Variants in MED13 observed in about 807,000 individuals in gnomAD.
The protein encoded by MED13 is mediator of RNA polymerase II transcription subunit 13.
MED13 carries 23 observed loss-of-function variants against 225.2 expected under a neutral mutation model. The ratio of observed to expected loss-of-function variants is 0.10; its 90% CI spans 0.07 to 0.14. The LOEUF is 0.14. Among genes scored for constraint, MED13 ranks in the 10% least tolerant of loss-of-function variants. The pLI is 1.00. For missense variants in MED13, 2,197 were observed against 2,594.5 expected, an observed-to-expected ratio of 0.85 and a Z score of 3.33; for synonymous variants, 942 against 889.2, an observed-to-expected ratio of 1.06 and a Z score of -1.06.
chr17:61,947,142 G>T, intron 28 of MED13, 125 bp from the exon 29 acceptor site: 1 of 541,890 alleles, frequency 1.8e-6, no homozygotes, highest in Non-Finnish European at 3.2e-6. Flanking sequence ...TGTTATGAAT[G>T]AAAGCCACTA....
chr17:61,990,147 T>C (rs1308107020), intron 11 of MED13, among the ~76,000 whole-genome samples: 1 of 152,238 alleles, frequency 6.6e-6, no homozygotes, highest in Non-Finnish European at 1.5e-5. Context: ...GATTTTGCTG[T>C]ACATCATAGT....
chr17:62,038,563 G>C (rs1016420845), intron 3 of MED13, among the ~76,000 whole-genome samples: 13 of 151,666 alleles, frequency 8.6e-5, no homozygotes, highest in African/African-American at 2.9e-4. Context: ...ACATTAATTT[G>C]ACCTATCTTA....
At chr17:62,016,842 C>G (rs1300634471) in intron 8 of MED13, among the ~76,000 whole-genome samples, 1 of 151,998 alleles carries the variant, frequency 6.6e-6, no homozygotes, top group Non-Finnish European at 1.5e-5. Context: ...AACCCCGTCT[C>G]TACTAAAACT....
intron 27 of MED13, among the ~76,000 whole-genome samples, chr17:61,951,834 T>C (rs1005166377): frequency 6.6e-6 from 1 of 152,198 alleles, no homozygotes; most frequent in African/African-American, 2.4e-5. Flanking sequence ...GATCCTTCCT[T>C]ACTTTAAAAG....
intron 3 of MED13, among the ~76,000 whole-genome samples, chr17:62,041,851 G>A (rs755490291): frequency 2.6e-5 from 4 of 152,202 alleles, no homozygotes; most frequent in Non-Finnish European, 4.4e-5. Flanking sequence ...CCAAAGTGCA[G>A]GGATTACAAG....
rs1359899209 is a variant in MED13, at chr17:62,035,590, G to A, written c.489C>T (p.Ser163=). 6.2e-7 allele frequency: 1 copy of A among 1,612,886 alleles called. No homozygotes were observed. Among genetic ancestry groups the A allele is most frequent in the Non-Finnish European group, 8.5e-7 (1 of 1,179,672 alleles). ...PINKSEHLSC[S]FTFFLHGDSN... ...TGTCTCCATGCAAGAAAAAGGTGAAGGAGCAGGACAAGTGTTCACTAAAAA... is the reference window on the plus strand; with the variant it reads ...TGTCTCCATGCAAGAAAAAGGTGAAAGAGCAGGACAAGTGTTCACTAAAAA... The change falls in exon 4 of 30, where the codon TCC becomes TCT. Residue 163 remains serine (S), a synonymous_variant. Coordinates refer to ENST00000397786, the MANE Select transcript of MED13 (RefSeq NM_005121.3).
intron 3 of MED13, among the ~76,000 whole-genome samples, chr17:62,048,306 G>A (rs1272921394): frequency 4.8e-5 from 7 of 146,752 alleles, no homozygotes; most frequent in African/African-American, 1.7e-4. Context: ...TTGGGAGGCT[G>A]AGGCATGAGA....
At chr17:62,007,700 T>C (rs1375891184) in intron 9 of MED13, among the ~76,000 whole-genome samples, 1 of 150,960 alleles carries the variant, frequency 6.6e-6, no homozygotes, top group African/African-American at 2.4e-5. Context: ...TACAAAAAAT[T>C]AGCCGGGCAT....
At chr17:62,034,541 G>C (rs1187273138) in intron 4 of MED13, among the ~76,000 whole-genome samples, 1 of 149,472 alleles carries the variant, frequency 6.7e-6, no homozygotes, top group Non-Finnish European at 1.5e-5. Context: ...TTTAACAGAA[G>C]CTGGGAATAT....
At position 61,945,717 on chromosome 17, in the gene MED13, T is replaced by G. The variant is rs546747032; in HGVS notation, c.*751A>C. The G allele has an allele frequency of 6.5e-6, 1 of 152,716 alleles. No homozygotes were observed. The highest frequency in any genetic ancestry group is 2.1e-4 in the South Asian group (1 of 4,830). The allele number at this position is 152,716 out of a possible 1,614,324, so 9.5% of individuals were successfully genotyped here. ...AATTTATAAACACAGTGAACTTCAT[T>G]ACTGTACATGTACTCTGCAACTACA... On this transcript the variant is annotated 3_prime_UTR_variant, in exon 30 of 30. Coordinates refer to ENST00000397786, the MANE Select transcript of MED13 (RefSeq NM_005121.3).
chr17:62,011,249 A>G lies in MED13; in HGVS notation c.1284-16T>C. 6.3e-7 allele frequency: 1 copy of G among 1,597,032 alleles called. No homozygotes were observed. The highest frequency in any genetic ancestry group is 1.1e-5 in the South Asian group (1 of 88,174). ...ATTTTTGTGCCTGAAAAGTGAAAAT[A>G]AAGGTTTCATATTTACAGTATCACT... is the stretch of plus-strand genomic sequence containing the variant. On this transcript the variant is annotated splice_polypyrimidine_tract_variant and intron_variant, in intron 8 of 29. Transcript: ENST00000397786.
At chr17:61,981,684 T>A (rs1472463803) in intron 16 of MED13, among the ~76,000 whole-genome samples, 1 of 152,232 alleles carries the variant, frequency 6.6e-6, no homozygotes, top group Non-Finnish European at 1.5e-5. Flanking sequence ...TATCTGACCA[T>A]ACATCTAAAA....
intron 26 of MED13, among the ~76,000 whole-genome samples, chr17:61,954,808 T>C (rs899206809): frequency 3.9e-5 from 6 of 152,110 alleles, no homozygotes; most frequent in Admixed American, 6.6e-5. Flanking sequence ...TAAAGATTTA[T>C]GGGATAATTC....
At chr17:62,021,157 A>G (rs2143638985) in intron 8 of MED13, among the ~76,000 whole-genome samples, 3 of 150,804 alleles carry the variant, frequency 2.0e-5, no homozygotes, top group African/African-American at 7.3e-5. Flanking sequence ...TTTCTATTCC[A>G]CAAAACCGCC....
chr17:61,955,587 T>C lies in MED13; in HGVS notation c.5783-20A>G, dbSNP rs780641724. On this transcript the variant is annotated intron_variant, in intron 25 of 29. Transcript: ENST00000397786. ...CAGAATCTGAAAATGAAAGACATTT[T>C]TTCTTTTAATAAACGAAGAATAAAT... 1.3e-6 allele frequency: 2 copies of C among 1,543,970 alleles called. No individual in the cohort carries two copies. Among genetic ancestry groups the C allele is most frequent in the Non-Finnish European group, 1.7e-6 (2 of 1,151,252 alleles).
intron 9 of MED13, chr17:62,006,298 G>GGGAA (rs1567972716): frequency 1.7e-5 from 1 of 60,078 alleles, no homozygotes; most frequent in African/African-American, 4.8e-5. Context: ...GGGGGGGAGG[G>GGGAA]AAAAAGAAAA....
At chr17:62,002,656 C>T (rs765267704) in intron 9 of MED13, among the ~76,000 whole-genome samples, 26 of 152,248 alleles carry the variant, frequency 1.7e-4, no homozygotes, top group Non-Finnish European at 3.1e-4. Flanking sequence ...GCAATATTAA[C>T]AGCAGGTAAT....
chr17:61,980,177 G>A (rs1434655285), intron 16 of MED13, among the ~76,000 whole-genome samples: 1 of 152,186 alleles, frequency 6.6e-6, no homozygotes, highest in African/African-American at 2.4e-5. Context: ...GACAGAGCGA[G>A]ACTCTGTCTC....
intron 8 of MED13, among the ~76,000 whole-genome samples, chr17:62,022,237 A>G (rs1603403977): frequency 6.6e-6 from 1 of 151,624 alleles, no homozygotes; most frequent in Non-Finnish European, 1.5e-5. Context: ...AAGAGAATGC[A>G]GACTTCATAA....
Sources: allele counts gnomAD v4.1 joint callset (sites outside exome capture counted in the v4.1 genomes callset), GRCh38; gene constraint gnomAD v4.1.1; transcripts MANE v1.5; gene names NCBI Gene and HGNC (gene_info 2026-07-23, HGNC 2026-07-21).